Variants in MCHR2 observed in about 807,000 individuals in gnomAD.
The protein encoded by MCHR2 is melanin concentrating hormone receptor 2, also known as melanin-concentrating hormone receptor 2.
MCHR2 carries 15 observed loss-of-function variants against 24.8 expected under a neutral mutation model. That is an observed-to-expected ratio of 0.60 (90% CI 0.40 to 0.93). MCHR2 has a LOEUF of 0.93. Ranked by LOEUF, MCHR2 falls within the 40% of genes least tolerant of loss-of-function variation. The pLI, the probability that MCHR2 is intolerant of heterozygous loss-of-function variation, is 0.00. For synonymous variants in MCHR2, 151 were observed against 147.6 expected (o/e 1.02, Z -0.17); for missense variants, 386 against 408.7 (o/e 0.94, Z 0.48).
At chr6:99,937,823 TC>T (rs1341611114) in intron 4 of MCHR2, among the ~76,000 whole-genome samples, 2 of 151,554 alleles carry the variant, frequency 1.3e-5, no homozygotes, top group Non-Finnish European at 3.0e-5. Context: ...AGCAATGAAG[TC>T]ATCAGGTCCT....
chr6:99,977,659 G>T (rs1454258678), intron 1 of MCHR2, among the ~76,000 whole-genome samples: 1 of 151,754 alleles, frequency 6.6e-6, no homozygotes, highest in African/African-American at 2.4e-5. Context: ...CATTTCCACT[G>T]GCCCCTAGAG....
chr6:99,984,181 T>C lies in MCHR2; in HGVS notation c.-28+9755A>G, dbSNP rs191279516. 5.5e-4 allele frequency among the ~76,000 whole-genome samples: 83 copies of C among 152,284 alleles called. No homozygotes were observed. In the Middle Eastern group the frequency reaches 0.014, roughly 25 times the overall value. On this transcript the variant is annotated intron_variant, in intron 1 of 5. Transcript: ENST00000281806. Reference sequence around the variant, plus strand: ...ATATACATACATATATATACACTTATACATGAAAGAGAAACATTTATTTCT... The same window carrying C: ...ATATACATACATATATATACACTTACACATGAAAGAGAAACATTTATTTCT...
rs1436841071 is a variant in MCHR2 at position 99,919,459 on chromosome 6, G to A, written c.*1481C>T. On this transcript the variant is annotated 3_prime_UTR_variant, in exon 6 of 6. Transcript: ENST00000281806. ...AGGGGCTGGTTGAAAATTGGTTTCA[G>A]ATGTTTACGGAGAAAACAAATTTAA... Among the ~76,000 whole-genome samples, 4 of 152,190 alleles carry A rather than the reference G, an allele frequency of 2.6e-5. No individual in the cohort carries two copies. The highest frequency in any genetic ancestry group is 4.8e-5 in the African/African-American group (2 of 41,438).
intron 5 of MCHR2, among the ~76,000 whole-genome samples, chr6:99,929,779 T>C (rs556814907): frequency 6.6e-6 from 1 of 151,348 alleles, no homozygotes; most frequent in South Asian, 2.1e-4. Flanking sequence ...TGATGCATCT[T>C]GACTCTTTAT....
In MCHR2 at chr6:99,956,053, A is replaced by G; in HGVS notation, c.95T>C (p.Val32Ala). Residue 32 changes from valine to alanine, a missense_variant, in exon 2 of 6, where the codon GTA (valine) becomes GCA (alanine). Coordinates refer to ENST00000281806, the MANE Select transcript of MCHR2 (RefSeq NM_001040179.2). ...KEFAYQTASVVDTVILPSMIG... is the reference protein window; with the variant it reads ...KEFAYQTASVADTVILPSMIG... Reference sequence around the variant, plus strand: ...CATGGAAGGGAGGATGACTGTATCTACCACACTGGCAGTTTGATAAGCAAA... The same window carrying G: ...CATGGAAGGGAGGATGACTGTATCTGCCACACTGGCAGTTTGATAAGCAAA... 6.2e-7 allele frequency: 1 copy of G among 1,613,462 alleles called. No homozygotes were observed. Among genetic ancestry groups the G allele is most frequent in the Non-Finnish European group, 8.5e-7 (1 of 1,179,600 alleles).
intron 1 of MCHR2, among the ~76,000 whole-genome samples, chr6:99,959,392 T>C (rs923530610): frequency 2.6e-5 from 4 of 151,840 alleles, no homozygotes; most frequent in African/African-American, 4.8e-5. Context: ...TGTTTCCCTG[T>C]CTGGAGCCAG....
chr6:99,965,815 G>T (rs1054516964), intron 1 of MCHR2, among the ~76,000 whole-genome samples: 24 of 152,080 alleles, frequency 1.6e-4, no homozygotes, highest in Non-Finnish European at 3.2e-4. Context: ...ATTATGTATA[G>T]CAATTTTTAT....
In MCHR2 at chr6:99,934,486, A is replaced by T. The variant is rs1397871032; in HGVS notation, c.619T>A (p.Phe207Ile). ...ACCAAAATCAAGGGTAGAGGGAAAA[A>T]AAAAGTTGTTATCGTCAAATAAAGT... Reference protein sequence around the residue: ...YTLYLTITTFFFPLPLILVCY... With the variant: ...YTLYLTITTFIFPLPLILVCY... Residue 207 changes from phenylalanine to isoleucine, a missense_variant, in exon 5 of 6, where the codon TTT becomes ATT. Physicochemically the swap from Phe to Ile is conservative, Grantham distance 21. Transcript: ENST00000281806. The T allele has an allele frequency of 6.2e-7, 1 of 1,602,002 alleles. No homozygotes were observed. The highest frequency in any genetic ancestry group is 8.5e-7 in the Non-Finnish European group (1 of 1,175,394).
chr6:99,950,641 C>T (rs1774948582), intron 2 of MCHR2, among the ~76,000 whole-genome samples: 1 of 151,952 alleles, frequency 6.6e-6, no homozygotes. Flanking sequence ...AGAAAGAATA[C>T]TCATAATGTG....
intron 1 of MCHR2, among the ~76,000 whole-genome samples, chr6:99,975,596 G>T (rs191147373): frequency 1.4e-3 from 207 of 152,292 alleles, no homozygotes; most frequent in African/African-American, 4.7e-3. Flanking sequence ...CCCACTGTCT[G>T]GCACTCCCTA....
At chr6:99,976,605 T>C (rs1775556426) in intron 1 of MCHR2, among the ~76,000 whole-genome samples, 1 of 152,060 alleles carries the variant, frequency 6.6e-6, no homozygotes. Context: ...TAGCCACATC[T>C]GTCTACTTTC....
At chr6:99,964,556 A>G (rs1200171933) in intron 1 of MCHR2, among the ~76,000 whole-genome samples, 1 of 152,048 alleles carries the variant, frequency 6.6e-6, no homozygotes, top group Non-Finnish European at 1.5e-5. Context: ...GAGAAATGCC[A>G]CATGCTAATA....
At position 99,943,534 on chromosome 6, in the gene MCHR2, G is replaced by C. The variant is rs1011833946; in HGVS notation, c.393-391C>G. Among the ~76,000 whole-genome samples the C allele has an allele frequency of 7.3e-5, 11 of 150,856 alleles. 1 individual carries two copies. The East Asian group carries it at 2.2e-3, about 30-fold the overall frequency. On this transcript the variant is annotated intron_variant, in intron 3 of 5. Transcript: ENST00000281806. The stretch of plus-strand genomic sequence containing the variant: ...CAGAGTGTGATGTTCCCCTTCCTGT[G>C]TCCATGTGTTCTCATTGTTCAATTC...
intron 1 of MCHR2, among the ~76,000 whole-genome samples, 157 bp from the exon 2 acceptor site, chr6:99,956,331 T>G (rs1775060972): frequency 6.6e-6 from 1 of 152,142 alleles, no homozygotes; most frequent in Non-Finnish European, 1.5e-5. Flanking sequence ...CTGTTCATAG[T>G]AATCTCACAG....
chr6:99,958,977 C>T (rs1218726704), intron 1 of MCHR2, among the ~76,000 whole-genome samples: 1 of 152,170 alleles, frequency 6.6e-6, no homozygotes, highest in African/African-American at 2.4e-5. Context: ...TGTGCTGCTG[C>T]TCCAGAGGAC....
rs1774896976 is a variant in MCHR2, at chr6:99,947,786, A to T, written c.368T>A (p.Ile123Asn). The T allele has an allele frequency of 6.2e-7, 1 of 1,613,762 alleles. No individual in the cohort carries two copies. Among genetic ancestry groups the T allele is most frequent in the Admixed American group, 1.7e-5 (1 of 59,984 alleles). Reference protein sequence around the residue: ...DTCNQFACSAIMTVMSVDRYF... With the variant: ...DTCNQFACSANMTVMSVDRYF... The stretch of plus-strand genomic sequence containing the variant: ...CCTGTCCACACTCATTACAGTCATG[A>T]TGGCACTACAGGCAAATTGGTTACA... Residue 123 changes from isoleucine to asparagine, a missense_variant, in exon 3 of 6, where the codon ATC becomes AAC. Physicochemically the swap from Ile to Asn is moderately radical, Grantham distance 149. Transcript: ENST00000281806.
At chr6:99,966,972 T>C (rs1775306367) in intron 1 of MCHR2, among the ~76,000 whole-genome samples, 1 of 152,166 alleles carries the variant, frequency 6.6e-6, no homozygotes, top group Admixed American at 6.6e-5. Context: ...TCTGTGCTCA[T>C]GTGGTACCTT....
rs62434070 is a variant in MCHR2, at chr6:99,943,081, C to T, written c.455G>A (p.Arg152Gln). Reference protein sequence around the residue: ...TRWRTRYKTIRINLGLWAASF... With the variant: ...TRWRTRYKTIQINLGLWAASF... ...AGCTGCCCAAAGGCCCAAATTGATC[C>T]GGATGGTCTTGTACCTTGTTCTCCA... The change falls in exon 4 of 6, where the codon CGG becomes CAG. Residue 152 changes from arginine to glutamine, a missense_variant. Arg to Gln is a conservative substitution (Grantham distance 43). Coordinates refer to ENST00000281806, the MANE Select transcript of MCHR2 (RefSeq NM_001040179.2). 0.013 allele frequency: 20,721 copies of T among 1,613,092 alleles called. 182 individuals are homozygous for T. Among genetic ancestry groups the T allele is most frequent in the Middle Eastern group, 0.035 (210 of 6,050 alleles).
chr6:99,955,886 G>C, intron 2 of MCHR2, 80 bp downstream of exon 2: 1 of 1,165,362 alleles, frequency 8.6e-7, no homozygotes, highest in Non-Finnish European at 1.2e-6. Flanking sequence ...TGCTACAGGG[G>C]AAAGGACTCA....
Sources: allele counts gnomAD v4.1 joint callset (sites outside exome capture counted in the v4.1 genomes callset), GRCh38; gene constraint gnomAD v4.1.1; transcripts MANE v1.5; gene names NCBI Gene and HGNC (gene_info 2026-07-23, HGNC 2026-07-21).